The following TCERG1L variants were observed in gnomAD, a reference collection of about 807,000 sequenced individuals.
TCERG1L encodes the protein transcription elongation regulator 1 like, also known as transcription elongation regulator 1-like protein.
TCERG1L carries 37 observed loss-of-function variants against 56.3 expected under a neutral mutation model. That is an observed-to-expected ratio of 0.66 (90% CI 0.51 to 0.87). TCERG1L has a LOEUF of 0.87. Among genes scored for constraint, TCERG1L ranks in the 40% least tolerant of loss-of-function variants. TCERG1L has a pLI of 0.00. For missense variants in TCERG1L, 799 were observed against 774.2 expected, an observed-to-expected ratio of 1.03 and a Z score of -0.38; for synonymous variants, 324 against 326.3, an observed-to-expected ratio of 0.99 and a Z score of 0.08.
chr10:131,149,787 C>A (rs963495406), intron 6 of TCERG1L, among the ~76,000 whole-genome samples: 1 of 152,166 alleles, frequency 6.6e-6, no homozygotes. Flanking sequence ...CTAGACTCAT[C>A]GATGAGACCC....
intron 3 of TCERG1L, among the ~76,000 whole-genome samples, chr10:131,286,170 T>C (rs2133568276): frequency 6.6e-6 from 1 of 152,350 alleles, no homozygotes; most frequent in South Asian, 2.1e-4. Flanking sequence ...ACAGAAGAAA[T>C]ACTTGGACAA....
At position 131,311,521 on chromosome 10, in the gene TCERG1L, A is replaced by C. The variant is rs1316611112; in HGVS notation, c.115T>G (p.Trp39Gly). 9 of 1,169,098 alleles carry C rather than the reference A, an allele frequency of 7.7e-6. No homozygotes were observed. The highest frequency in any genetic ancestry group is 9.5e-6 in the Non-Finnish European group (9 of 947,160). 72.4% of individuals were successfully genotyped at this position (1,169,098 alleles called of 1,614,324 possible). Residue 39 changes from tryptophan to glycine, a missense_variant, in exon 1 of 12, where the codon TGG becomes GGG. Trp to Gly is a radical substitution (Grantham distance 184). Coordinates refer to ENST00000368642, the MANE Select transcript of TCERG1L (RefSeq NM_174937.4). This position sits in a 1 kb window ranked among gnomAD's most constrained non-coding sequence, Gnocchi z 4.0. ...MDAEPPPPPP[W>G]VWMVPGSAGL... is the part of the protein sequence containing the mutation. The stretch of plus-strand genomic sequence containing the variant: ...GCCGAGCCCGGCACCATCCAGACCC[A>C]GGGCGGCGGCGGCGGCGGCTCTGCG...
chr10:131,247,261 C>T (rs1020122838), intron 4 of TCERG1L, among the ~76,000 whole-genome samples: 3 of 152,210 alleles, frequency 2.0e-5, no homozygotes, highest in African/African-American at 7.2e-5. Flanking sequence ...AAGTGGCTTG[C>T]ATGTGTATAT....
intron 4 of TCERG1L, among the ~76,000 whole-genome samples, chr10:131,252,802 T>C (rs1403981940): frequency 2.0e-5 from 3 of 152,168 alleles, no homozygotes; most frequent in Non-Finnish European, 2.9e-5. Context: ...CACTATGACA[T>C]GTCCTGTCTG....
chr10:131,282,254 G>A (rs1352516681), intron 3 of TCERG1L, among the ~76,000 whole-genome samples: 3 of 147,800 alleles, frequency 2.0e-5, no homozygotes, highest in Admixed American at 6.7e-5. Context: ...TAGACCCCAC[G>A]CTTTCAAACG....
chr10:131,309,849 A>C (rs868117754), intron 1 of TCERG1L, among the ~76,000 whole-genome samples: 4 of 149,864 alleles, frequency 2.7e-5, no homozygotes, highest in Admixed American at 6.6e-5. Context: ...AAAAAAAAAA[A>C]AAAAAAAAAA....
At chr10:131,266,980 C>A (rs1463826580) in intron 3 of TCERG1L, among the ~76,000 whole-genome samples, 1 of 152,106 alleles carries the variant, frequency 6.6e-6, no homozygotes, top group Non-Finnish European at 1.5e-5. Flanking sequence ...GGAAAAGGCA[C>A]AAGTCCCTAC....
chr10:131,179,473 C>T (rs938410659), intron 4 of TCERG1L, among the ~76,000 whole-genome samples: 1 of 152,190 alleles, frequency 6.6e-6, no homozygotes, highest in Non-Finnish European at 1.5e-5. Context: ...CACAGCCCTG[C>T]CCTCCCTCGG....
In TCERG1L at chr10:131,260,863, G is replaced by A. The variant is rs1846231239; in HGVS notation, c.671-419C>T. 1.3e-5 allele frequency among the ~76,000 whole-genome samples: 2 copies of A among 152,172 alleles called. No individual in the cohort carries two copies. The highest frequency in any genetic ancestry group is 2.9e-5 in the Non-Finnish European group (2 of 68,038). On this transcript the variant is annotated intron_variant, in intron 3 of 11. Transcript: ENST00000368642. The surrounding 1 kb of genome is among the most constrained non-coding windows in gnomAD (Gnocchi z 5.8). ...GAGTGCCACATAAAAAAGTGGGGGT[G>A]GTTTGGAAGAAGGGGCAGCTGTGGG...
At chr10:131,219,736 G>A (rs774784336) in intron 4 of TCERG1L, among the ~76,000 whole-genome samples, 11 of 152,184 alleles carry the variant, frequency 7.2e-5, no homozygotes, top group Non-Finnish European at 1.6e-4. Context: ...CTGGATATGG[G>A]CCCTGAGTGT....
chr10:131,159,048 C>G (rs1845951570), intron 6 of TCERG1L, among the ~76,000 whole-genome samples: 1 of 152,212 alleles, frequency 6.6e-6, no homozygotes, highest in Non-Finnish European at 1.5e-5. Context: ...ACCCCGAGCA[C>G]AAGACCTTTC....
At chr10:131,256,402 T>C (rs1050436126) in intron 4 of TCERG1L, among the ~76,000 whole-genome samples, 1 of 152,128 alleles carries the variant, frequency 6.6e-6, no homozygotes, top group African/African-American at 2.4e-5. Context: ...ATTTAAACCA[T>C]TAAATAGTTC....
chr10:131,150,126 T>C (rs1845847033), intron 6 of TCERG1L, among the ~76,000 whole-genome samples: 1 of 142,764 alleles, frequency 7.0e-6, no homozygotes, highest in African/African-American at 2.6e-5. Context: ...TGTAAACCCA[T>C]GAAGGTCTCA....
intron 3 of TCERG1L, among the ~76,000 whole-genome samples, chr10:131,293,175 A>G (rs557515467): frequency 2.0e-5 from 3 of 152,094 alleles, no homozygotes; most frequent in South Asian, 4.2e-4. Flanking sequence ...AAAATCGTCA[A>G]TGCCTGCCTT....
intron 4 of TCERG1L, among the ~76,000 whole-genome samples, chr10:131,245,410 ATTTT>A (rs5789077): frequency 0.015 from 2,306 of 151,620 alleles, 22 homozygotes; most frequent in South Asian, 0.025. Flanking sequence ...TAAAATAATA[ATTTT>A]TTTTTTAAAA....
At chr10:131,119,694 G>T (rs1208694446) in intron 8 of TCERG1L, among the ~76,000 whole-genome samples, 1 of 152,194 alleles carries the variant, frequency 6.6e-6, no homozygotes, top group African/African-American at 2.4e-5. Context: ...ATATATTTTT[G>T]ATATTCTTAT....
At chr10:131,127,932 C>T (rs960936368) in intron 8 of TCERG1L, among the ~76,000 whole-genome samples, 1 of 152,134 alleles carries the variant, frequency 6.6e-6, no homozygotes, top group African/African-American at 2.4e-5. Context: ...GAGAAACACC[C>T]CCAGGTGGCA....
At chr10:131,302,267 C>G (rs945489474) in intron 3 of TCERG1L, among the ~76,000 whole-genome samples, 1 of 151,546 alleles carries the variant, frequency 6.6e-6, no homozygotes, top group African/African-American at 2.4e-5. Context: ...TAAAATGCCT[C>G]CAGGATACGG....
chr10:131,100,204 G>A (rs868329502), intron 10 of TCERG1L, among the ~76,000 whole-genome samples: 30 of 152,258 alleles, frequency 2.0e-4, no homozygotes, highest in African/African-American at 5.8e-4. Context: ...AAATAGCAAT[G>A]TAAGTTCTTA....
Sources: allele counts gnomAD v4.1 joint callset (sites outside exome capture counted in the v4.1 genomes callset), GRCh38; gene constraint gnomAD v4.1.1; non-coding constraint Gnocchi (gnomAD v3.1); transcripts MANE v1.5; gene names NCBI Gene and HGNC (gene_info 2026-07-23, HGNC 2026-07-21).